TMEM131L: variants seen among roughly 807,000 people sequenced by gnomAD.
TMEM131L encodes transmembrane protein 131-like.
A neutral mutation model predicts 192.2 loss-of-function variants in TMEM131L; 54 were observed. That is an observed-to-expected ratio of 0.28 (90% confidence interval 0.23 to 0.35). The LOEUF (loss-of-function observed/expected upper bound fraction) is 0.35. Among genes scored for constraint, TMEM131L ranks in the 10% least tolerant of loss-of-function variants. The pLI, the probability that TMEM131L is intolerant of heterozygous loss-of-function variation, is 1.00. For missense variants in TMEM131L, 1,888 were observed against 1,972.9 expected, an observed-to-expected ratio of 0.96 and a Z score of 0.82; for synonymous variants, 701 against 704.9, an observed-to-expected ratio of 0.99 and a Z score of 0.09.
chr4:153,529,194 A>T (rs1735715873), intron 3 of TMEM131L, among the ~76,000 whole-genome samples: 1 of 152,112 alleles, frequency 6.6e-6, no homozygotes, highest in Non-Finnish European at 1.5e-5. Flanking sequence ...AGAAAATGGA[A>T]ATGTTCTGTT....
At chr4:153,539,171 A>AG (rs977894529) in intron 3 of TMEM131L, among the ~76,000 whole-genome samples, 21 of 152,054 alleles carry the variant, frequency 1.4e-4, no homozygotes, top group African/African-American at 2.7e-4. Flanking sequence ...CTCCCCCAAA[A>AG]GGGGGGGAGG....
chr4:153,577,545 A>G (rs1368234491), intron 7 of TMEM131L, among the ~76,000 whole-genome samples: 1 of 152,212 alleles, frequency 6.6e-6, no homozygotes, highest in Non-Finnish European at 1.5e-5. Context: ...ACAGTCCATA[A>G]AGGAACGGGC....
At chr4:153,568,045 T>C (rs1729340623) in intron 7 of TMEM131L, among the ~76,000 whole-genome samples, 1 of 152,238 alleles carries the variant, frequency 6.6e-6, no homozygotes, top group African/African-American at 2.4e-5. Flanking sequence ...AAGGGGAAAT[T>C]AAGTGATGTT....
At chr4:153,606,964 CTG>C (rs1313912054) in intron 25 of TMEM131L, among the ~76,000 whole-genome samples, 12 of 152,164 alleles carry the variant, frequency 7.9e-5, no homozygotes, top group African/African-American at 2.7e-4. Context: ...TTTGTTCTGA[CTG>C]TTTTATGTTC....
chr4:153,515,751 CAACA>C (rs1443106197), intron 3 of TMEM131L, among the ~76,000 whole-genome samples: 3 of 152,100 alleles, frequency 2.0e-5, no homozygotes, highest in African/African-American at 7.2e-5. Flanking sequence ...TCTCACCAAC[CAACA>C]GTTAATAGAT....
intron 3 of TMEM131L, among the ~76,000 whole-genome samples, chr4:153,531,082 T>C (rs1735863593): frequency 6.6e-6 from 1 of 152,210 alleles, no homozygotes; most frequent in South Asian, 2.1e-4. Context: ...GCAAGTATCC[T>C]GGAATGAGCA....
chr4:153,501,811 T>C (rs1733627018), intron 3 of TMEM131L, among the ~76,000 whole-genome samples: 1 of 152,226 alleles, frequency 6.6e-6, no homozygotes, highest in East Asian at 1.9e-4. Flanking sequence ...ATGCCTCCTC[T>C]GTCTCCTAAT....
intron 7 of TMEM131L, among the ~76,000 whole-genome samples, chr4:153,571,652 C>T (rs749575585): frequency 2.3e-4 from 35 of 152,312 alleles, no homozygotes; most frequent in Non-Finnish European, 4.1e-4. Flanking sequence ...CTTGGCCTCC[C>T]GAGCTCAGGT....
intron 3 of TMEM131L, among the ~76,000 whole-genome samples, chr4:153,543,926 C>CT (rs1253567865): frequency 1.3e-5 from 2 of 151,626 alleles, no homozygotes; most frequent in East Asian, 3.8e-4. Flanking sequence ...TCCTTGAGCA[C>CT]TTCAGAGTCT....
At chr4:153,631,721 C>T (rs1171074183) in intron 31 of TMEM131L, among the ~76,000 whole-genome samples, 1 of 152,216 alleles carries the variant, frequency 6.6e-6, no homozygotes. Context: ...TCAAAACCTT[C>T]CAGTAGCTTC....
intron 31 of TMEM131L, among the ~76,000 whole-genome samples, chr4:153,632,038 G>T (rs1041678311): frequency 2.8e-4 from 42 of 152,310 alleles, no homozygotes; most frequent in African/African-American, 1.0e-3. Context: ...ATTTGGCCAG[G>T]CGTGGTGGCT....
rs1444696036 is a variant in TMEM131L at position 153,582,428 on chromosome 4, TTGTTG to T, written c.893-760_893-756del. Among the ~76,000 whole-genome samples, 215 of 117,624 alleles carry T rather than the reference TTGTTG, an allele frequency of 1.8e-3. 43 individuals carry two copies. Among genetic ancestry groups the T allele is most frequent in the African/African-American group, 0.011 (197 of 17,296 alleles). 77.2% of individuals were successfully genotyped at this position (117,624 alleles called of 152,430 possible). On this transcript the variant is annotated intron_variant, in intron 9 of 34. Coordinates refer to ENST00000409959, the MANE Select transcript of TMEM131L (RefSeq NM_001131007.2). The stretch of plus-strand genomic sequence containing the variant: ...CCTGGCTAATTTAAACCGTTTTTTT[TTGTTG>T]TTTTTTTTTTTTTTTTTTTTTTTTT...
intron 29 of TMEM131L, among the ~76,000 whole-genome samples, chr4:153,624,914 A>T (rs1345261081): frequency 6.6e-6 from 1 of 152,244 alleles, no homozygotes; most frequent in African/African-American, 2.4e-5. Flanking sequence ...CAGCCATGAA[A>T]ACCTAGAGGA....
At chr4:153,567,005 A>G (rs1175911848) in intron 7 of TMEM131L, among the ~76,000 whole-genome samples, 1 of 152,190 alleles carries the variant, frequency 6.6e-6, no homozygotes, top group East Asian at 1.9e-4. Context: ...GGTGCCTGCT[A>G]GATTTGGCCT....
intron 3 of TMEM131L, among the ~76,000 whole-genome samples, chr4:153,535,945 A>G (rs1020941019): frequency 2.0e-5 from 3 of 152,144 alleles, no homozygotes; most frequent in South Asian, 2.1e-4. Flanking sequence ...GCTGTTTACA[A>G]TCTTCAAAAC....
intron 3 of TMEM131L, among the ~76,000 whole-genome samples, chr4:153,480,764 G>C (rs1351593858): frequency 1.3e-5 from 2 of 152,074 alleles, no homozygotes; most frequent in Non-Finnish European, 2.9e-5. Context: ...TCTCTATATA[G>C]AAGGAAGTTG....
chr4:153,501,229 G>A (rs534688534), intron 3 of TMEM131L, among the ~76,000 whole-genome samples: 119 of 141,314 alleles, frequency 8.4e-4, no homozygotes, highest in African/African-American at 2.8e-3. Flanking sequence ...TTTTTGAGAC[G>A]GAGTCTCGCT....
rs368613364 is a variant in TMEM131L at position 153,586,301 on chromosome 4, A to G, written c.1404A>G (p.Leu468=). The change falls in exon 14 of 35, where the codon CTA becomes CTG. Residue 468 remains leucine (L), a synonymous_variant. Transcript: ENST00000409959. ...CTGTTAAAGACATTGCCATAAATCT[A>G]TTCACCAATGTATTTTTGACTACAA... is the stretch of plus-strand genomic sequence containing the variant. ...KLAVKDIAIN[L]FTNVFLTTNI... 111 of 1,605,860 alleles carry G rather than the reference A, an allele frequency of 6.9e-5. 2 individuals are homozygous for G. In the East Asian group the frequency reaches 1.4e-3, roughly 20 times the overall value.
intron 3 of TMEM131L, among the ~76,000 whole-genome samples, chr4:153,478,699 T>A (rs1731718892): frequency 6.6e-6 from 1 of 152,240 alleles, no homozygotes; most frequent in African/African-American, 2.4e-5. Context: ...TTTATTTATA[T>A]CTTGTGAGCT....
Sources: gnomAD v4.1 joint callset for allele counts (sites outside exome capture counted in the v4.1 genomes callset) on GRCh38, gnomAD v4.1.1 for gene constraint, MANE v1.5 for transcripts, NCBI Gene and HGNC (gene_info 2026-07-23, HGNC 2026-07-21) for gene names.